FSTL5: variants seen among roughly 807,000 people sequenced by gnomAD.
FSTL5 encodes the protein follistatin like 5, also known as follistatin-related protein 5.
Under a neutral mutation model 89.1 loss-of-function variants are expected in FSTL5, and 62 were observed. The observed-to-expected ratio is 0.70, with a 90% CI of 0.57 to 0.86. FSTL5 has a LOEUF of 0.86. Among genes scored for constraint, FSTL5 ranks in the 40% least tolerant of loss-of-function variants. The pLI, the probability that FSTL5 is intolerant of heterozygous loss-of-function variation, is 0.00. For synonymous variants in FSTL5, 383 were observed against 346.2 expected, an observed-to-expected ratio of 1.11 and a Z score of -1.18; for missense variants, 1,057 against 1,001.6, an observed-to-expected ratio of 1.06 and a Z score of -0.75.
At chr4:161,980,286 AAAG>A (rs1735788484) in intron 3 of FSTL5, among the ~76,000 whole-genome samples, 1 of 151,538 alleles carries the variant, frequency 6.6e-6, no homozygotes, top group South Asian at 2.1e-4. Flanking sequence ...AGAAAGAAAG[AAAG>A]AGAAAGAAAG....
intron 4 of FSTL5, among the ~76,000 whole-genome samples, chr4:161,916,007 T>TAA (rs201755264): frequency 6.1e-5 from 9 of 146,632 alleles, no homozygotes; most frequent in African/African-American, 2.3e-4. Flanking sequence ...AGTTCCTTCT[T>TAA]AAAAAAAAAA....
intron 3 of FSTL5, among the ~76,000 whole-genome samples, chr4:161,974,333 A>G (rs1471702325): frequency 1.3e-5 from 2 of 151,890 alleles, no homozygotes; most frequent in African/African-American, 2.4e-5. Context: ...GAGGCATCAC[A>G]CTACCTGACT....
At chr4:161,664,043 G>A (rs746667432) in intron 6 of FSTL5, among the ~76,000 whole-genome samples, 18 of 152,210 alleles carry the variant, frequency 1.2e-4, no homozygotes, top group Admixed American at 1.3e-4. Context: ...CAAGTCCCTA[G>A]GCTGCTCAAA....
intron 15 of FSTL5, among the ~76,000 whole-genome samples, chr4:161,411,896 C>G (rs1453901668): frequency 6.6e-6 from 1 of 152,098 alleles, no homozygotes; most frequent in Non-Finnish European, 1.5e-5. Flanking sequence ...GAAAATAATT[C>G]AAACTATCTC....
intron 13 of FSTL5, among the ~76,000 whole-genome samples, chr4:161,479,754 T>C (rs528091800): frequency 2.0e-4 from 31 of 152,354 alleles, no homozygotes; most frequent in African/African-American, 7.2e-4. Context: ...CTCATGGTTG[T>C]ACTGCTCATT....
Position 161,386,080 on chromosome 4 carries a change from C to T in FSTL5, c.2211G>A (p.Leu737=), listed in dbSNP as rs1161447685. 2.5e-6 allele frequency: 4 copies of T among 1,613,966 alleles called. No individual in the cohort carries two copies. The highest frequency in any genetic ancestry group is 3.4e-6 in the Non-Finnish European group (4 of 1,179,966). ...IQEAFDIYTN[L]HISDLAFQPS... The stretch of plus-strand genomic sequence containing the variant: ...GTTGAAATGCCAGATCAGATATGTG[C>T]AGATTTGTGTAAATATCAAAAGCCT... The change falls in exon 16 of 16, where the codon CTG becomes CTA. Residue 737 remains leucine (L), a synonymous_variant. Coordinates refer to ENST00000306100, the MANE Select transcript of FSTL5 (RefSeq NM_020116.5).
At chr4:161,689,292 C>A (rs1438840946) in intron 6 of FSTL5, among the ~76,000 whole-genome samples, 1 of 152,060 alleles carries the variant, frequency 6.6e-6, no homozygotes, top group Non-Finnish European at 1.5e-5. Context: ...GACTTTAGCT[C>A]AGTTCTATAG....
intron 5 of FSTL5, among the ~76,000 whole-genome samples, chr4:161,761,922 G>C (rs892026394): frequency 6.6e-6 from 1 of 152,024 alleles, no homozygotes; most frequent in Non-Finnish European, 1.5e-5. Flanking sequence ...ATGATTCTTA[G>C]TAATTATTTC....
intron 5 of FSTL5, among the ~76,000 whole-genome samples, chr4:161,766,655 TGA>T (rs1741010591): frequency 6.6e-6 from 1 of 152,172 alleles, no homozygotes; most frequent in Non-Finnish European, 1.5e-5. Flanking sequence ...TTCACCATAC[TGA>T]CTTTAGAAAA....
At chr4:161,867,322 G>C (rs1446106884) in intron 4 of FSTL5, among the ~76,000 whole-genome samples, 1 of 151,822 alleles carries the variant, frequency 6.6e-6, no homozygotes, top group African/African-American at 2.4e-5. Context: ...ACAAGGTATT[G>C]ATATATTTAA....
chr4:162,066,035 C>T (rs1738883932), intron 2 of FSTL5, among the ~76,000 whole-genome samples: 1 of 151,926 alleles, frequency 6.6e-6, no homozygotes, highest in African/African-American at 2.4e-5. Flanking sequence ...CTTGTAAAAT[C>T]ACACAATCTC....
chr4:161,609,589 T>C (rs754332710), intron 7 of FSTL5, among the ~76,000 whole-genome samples: 17 of 152,160 alleles, frequency 1.1e-4, no homozygotes, highest in Non-Finnish European at 2.1e-4. Flanking sequence ...ATTAAATCAG[T>C]TCAAATTGTC....
chr4:162,114,219 T>C (rs377042404), intron 1 of FSTL5, among the ~76,000 whole-genome samples: 199 of 152,276 alleles, frequency 1.3e-3, no homozygotes, highest in African/African-American at 4.5e-3. Flanking sequence ...GCCTAATCCT[T>C]TTCTCAGAGG....
intron 7 of FSTL5, among the ~76,000 whole-genome samples, chr4:161,634,872 T>A (rs1480979966): frequency 6.6e-6 from 1 of 152,168 alleles, no homozygotes. Context: ...ATATGCTAAT[T>A]ATTATCATCA....
intron 8 of FSTL5, among the ~76,000 whole-genome samples, chr4:161,583,125 C>G (rs2126602067): frequency 6.6e-6 from 1 of 152,260 alleles, no homozygotes; most frequent in Admixed American, 6.5e-5. Context: ...TGCTTGAACC[C>G]AGGGGGCGGA....
At chr4:161,448,728 G>A (rs1382163098) in intron 15 of FSTL5, among the ~76,000 whole-genome samples, 2 of 152,062 alleles carry the variant, frequency 1.3e-5, no homozygotes, top group Non-Finnish European at 2.9e-5. Context: ...ACTGCTGATC[G>A]GAAACAAGAT....
chr4:161,983,277 C>T (rs1735875875), intron 3 of FSTL5, among the ~76,000 whole-genome samples: 1 of 152,130 alleles, frequency 6.6e-6, no homozygotes, highest in Non-Finnish European at 1.5e-5. Context: ...TTTATGACTT[C>T]CACTCAAGCA....
At chr4:161,707,709 T>A (rs927951081) in intron 6 of FSTL5, among the ~76,000 whole-genome samples, 1 of 151,968 alleles carries the variant, frequency 6.6e-6, no homozygotes, top group Non-Finnish European at 1.5e-5. Context: ...TTTTGCAATT[T>A]AATTTTTGTT....
chr4:162,044,863 C>T (rs1338956454), intron 2 of FSTL5, among the ~76,000 whole-genome samples: 1 of 152,178 alleles, frequency 6.6e-6, no homozygotes, highest in African/African-American at 2.4e-5. Context: ...TTTCTCACCT[C>T]TCTCAACCTT....
Sources: allele counts gnomAD v4.1 joint callset (sites outside exome capture counted in the v4.1 genomes callset), GRCh38; gene constraint gnomAD v4.1.1; transcripts MANE v1.5; gene names NCBI Gene and HGNC (gene_info 2026-07-23, HGNC 2026-07-21).